Variants in MTHFD1 observed in about 807,000 individuals in gnomAD.
MTHFD1 encodes the protein C-1-tetrahydrofolate synthase, cytoplasmic.
A neutral mutation model predicts 110.3 loss-of-function variants in MTHFD1; 44 were observed. That is an observed-to-expected ratio of 0.40 (90% CI 0.31 to 0.51). The LOEUF (loss-of-function observed/expected upper bound fraction) is 0.51. MTHFD1 is among the 20% of genes least tolerant of loss of function. The probability of loss-of-function intolerance (pLI) is 0.60; values close to 1 mark genes in which losing one functional copy is unlikely to be tolerated. For synonymous variants in MTHFD1, 402 were observed against 428.8 expected (o/e 0.94, Z 0.77); for missense variants, 909 against 1,173.1 (o/e 0.77, Z 3.29).
At chr14:64,406,398 G>A (rs1262588437) in intron 2 of MTHFD1, among the ~76,000 whole-genome samples, 3 of 151,520 alleles carry the variant, frequency 2.0e-5, no homozygotes, top group African/African-American at 7.3e-5. Context: ...TGTTTTGACT[G>A]TAAGCCATCA....
chr14:64,400,160 G>T (rs1421827546), intron 1 of MTHFD1, among the ~76,000 whole-genome samples: 1 of 140,290 alleles, frequency 7.1e-6, no homozygotes, highest in African/African-American at 2.7e-5. Flanking sequence ...AAGCTGAGGT[G>T]GGGGGATCAC....
At chr14:64,444,360 C>T (rs1447360064) in intron 21 of MTHFD1, among the ~76,000 whole-genome samples, 1 of 152,026 alleles carries the variant, frequency 6.6e-6, no homozygotes, top group Non-Finnish European at 1.5e-5. Flanking sequence ...TTTCCCCACA[C>T]TCCCCTTGAC....
In MTHFD1 at chr14:64,426,034, A is replaced by C. The variant is rs200168500; in HGVS notation, c.969A>C (p.Ser323=). 2.5e-6 allele frequency: 4 copies of C among 1,613,564 alleles called. No individual in the cohort carries two copies. The highest frequency in any genetic ancestry group is 1.8e-4 in the Middle Eastern group (1 of 5,562). The change falls in exon 11 of 28, where the codon TCA becomes TCC. Residue 323 remains serine (S), a synonymous_variant. Transcript: ENST00000652337. The stretch of plus-strand genomic sequence containing the variant: ...GTTTCCAAAGTGACATTGATATATC[A>C]CGATCTTGTAAACCGAAGCCCATTG... ...KTPVPSDIDI[S]RSCKPKPIGK... is the part of the protein sequence containing the mutation.
chr14:64,441,516 AAG>A, intron 19 of MTHFD1, 63 bp downstream of exon 19: 1 of 1,539,674 alleles, frequency 6.5e-7, no homozygotes, highest in Non-Finnish European at 9.0e-7. Context: ...AGTGGTTATA[AAG>A]CACACTTGCA....
At chr14:64,445,816 C>G (rs1271218637) in intron 22 of MTHFD1, among the ~76,000 whole-genome samples, 1 of 152,168 alleles carries the variant, frequency 6.6e-6, no homozygotes. Context: ...AGAAATTCTA[C>G]TTATTTAAAA....
chr14:64,400,428 G>A (rs769948005), intron 1 of MTHFD1, among the ~76,000 whole-genome samples: 2 of 152,100 alleles, frequency 1.3e-5, no homozygotes, highest in African/African-American at 2.4e-5. Context: ...AGTGGCTCAC[G>A]CCTGTAATCC....
At chr14:64,434,428 T>G (rs947085169) in intron 15 of MTHFD1, among the ~76,000 whole-genome samples, 1 of 152,036 alleles carries the variant, frequency 6.6e-6, no homozygotes, top group Non-Finnish European at 1.5e-5. Flanking sequence ...GGCATGCACC[T>G]GTAGTTATAC....
intron 23 of MTHFD1, 83 bp from the exon 24 acceptor site, chr14:64,449,362 A>C: frequency 2.0e-6 from 3 of 1,500,522 alleles, no homozygotes; most frequent in Non-Finnish European, 2.8e-6. Context: ...TGGGTAATTC[A>C]CATGAGGTTT....
At chr14:64,459,509 T>C (rs2078528182) in intron 27 of MTHFD1, among the ~76,000 whole-genome samples, 1 of 152,236 alleles carries the variant, frequency 6.6e-6, no homozygotes, top group African/African-American at 2.4e-5. Flanking sequence ...AGGGTATGTG[T>C]GATACTCGAA....
At position 64,421,833 on chromosome 14, in the gene MTHFD1, G is replaced by T. The variant is rs191820255; in HGVS notation, c.727+1908G>T. 1.3e-4 allele frequency among the ~76,000 whole-genome samples: 20 copies of T among 152,154 alleles called. No individual in the cohort carries two copies. The East Asian group carries it at 3.3e-3, about 25-fold the overall frequency. ...GTAGAGACGGGGTTTCACCATGTTA[G>T]CCAGGATGGTCTCGATCTCCTGACC... On this transcript the variant is annotated intron_variant, in intron 8 of 27. Transcript: ENST00000652337.
At chr14:64,414,862 T>G (rs1194150863) in intron 4 of MTHFD1, among the ~76,000 whole-genome samples, 1 of 151,758 alleles carries the variant, frequency 6.6e-6, no homozygotes, top group Admixed American at 6.6e-5. Flanking sequence ...GCTAATTTTG[T>G]ATTTTTAGTA....
chr14:64,444,753 C>A lies in MTHFD1; in HGVS notation c.2178+19C>A. On this transcript the variant is annotated intron_variant, in intron 22 of 27. Transcript: ENST00000652337. ...ACAGGAGGTAACCTGAGTTATTTCT[C>A]ATCACGTGTCCTAGAAAGCACCACA... The A allele has an allele frequency of 6.2e-7, 1 of 1,613,202 alleles. No homozygotes were observed. The highest frequency in any genetic ancestry group is 1.1e-5 in the South Asian group (1 of 91,060).
chr14:64,426,453 A>G (rs2078119156), intron 11 of MTHFD1, among the ~76,000 whole-genome samples: 2 of 152,154 alleles, frequency 1.3e-5, no homozygotes, highest in Admixed American at 1.3e-4. Flanking sequence ...TTAAGATAGA[A>G]TCACCTTTTG....
chr14:64,415,222 G>A (rs2078015846), intron 4 of MTHFD1, 136 bp from the exon 5 acceptor site: 2 of 724,132 alleles, frequency 2.8e-6, no homozygotes, highest in Admixed American at 2.1e-5. Context: ...GGATTCAAGG[G>A]GAAGGTACAT....
intron 8 of MTHFD1, among the ~76,000 whole-genome samples, chr14:64,423,845 G>T (rs1410784893): frequency 6.6e-6 from 1 of 150,786 alleles, no homozygotes; most frequent in Non-Finnish European, 1.5e-5. Context: ...TCCTGCCTCA[G>T]CCTCCCAAGT....
chr14:64,392,424 T>C (rs2077813911), intron 1 of MTHFD1, among the ~76,000 whole-genome samples: 1 of 152,244 alleles, frequency 6.6e-6, no homozygotes, highest in Non-Finnish European at 1.5e-5. Flanking sequence ...ACTACATTTA[T>C]ATGATTTGTT....
At chr14:64,393,099 G>A (rs2077819652) in intron 1 of MTHFD1, among the ~76,000 whole-genome samples, 1 of 152,158 alleles carries the variant, frequency 6.6e-6, no homozygotes, top group African/African-American at 2.4e-5. Flanking sequence ...GCCCTTTTGT[G>A]CTTAAAAAGA....
intron 10 of MTHFD1, 40 bp from the exon 11 acceptor site, chr14:64,425,979 A>C: frequency 6.2e-7 from 1 of 1,610,982 alleles, no homozygotes; most frequent in South Asian, 1.1e-5. Flanking sequence ...AATTAAACTC[A>C]GTGGATAAAC....
rs933278815 is a variant in MTHFD1 at position 64,441,575 on chromosome 14, G to C, written c.1884+122G>C. 4.6e-5 allele frequency: 38 copies of C among 818,930 alleles called. No individual in the cohort carries two copies. The East Asian group carries it at 9.1e-4, about 20-fold the overall frequency. The allele number at this position is 818,930 out of a possible 1,614,324, so 50.7% of individuals were successfully genotyped here. The stretch of plus-strand genomic sequence containing the variant: ...TAATCCCAGCACTTTGGGAGGCCAA[G>C]GTGGGCAGATCACAAGGTCAGGAGA... On this transcript the variant is annotated intron_variant, in intron 19 of 27. Coordinates refer to ENST00000652337, the MANE Select transcript of MTHFD1 (RefSeq NM_005956.4).
Sources: gnomAD v4.1 joint callset for allele counts (sites outside exome capture counted in the v4.1 genomes callset) on GRCh38, gnomAD v4.1.1 for gene constraint, MANE v1.5 for transcripts, NCBI Gene and HGNC (gene_info 2026-07-23, HGNC 2026-07-21) for gene names.